The following SPAG16 variants were observed in gnomAD, a reference collection of about 807,000 sequenced individuals.
SPAG16 encodes sperm associated antigen 16.
SPAG16 carries 86 observed loss-of-function variants against 80.4 expected under a neutral mutation model. The observed-to-expected ratio is 1.07, with a 90% confidence interval of 0.90 to 1.28. The LOEUF (loss-of-function observed/expected upper bound fraction) is 1.28. SPAG16 is among the 50% of genes most tolerant of loss of function. The probability of loss-of-function intolerance (pLI) is 0.00; values close to 1 mark genes in which losing one functional copy is unlikely to be tolerated. For missense variants in SPAG16, 870 were observed against 765.3 expected (o/e 1.14, Z -1.61); for synonymous variants, 294 against 265.9 (o/e 1.11, Z -1.03).
At chr2:213,918,404 T>A (rs74618873) in intron 11 of SPAG16, among the ~76,000 whole-genome samples, 2 of 83,346 alleles carry the variant, frequency 2.4e-5, no homozygotes, top group South Asian at 5.4e-4. Flanking sequence ...TGGTCCTGGG[T>A]TTTTTTCTGG....
chr2:213,408,575 CA>C (rs1425577878), intron 9 of SPAG16, among the ~76,000 whole-genome samples: 1 of 152,090 alleles, frequency 6.6e-6, no homozygotes, highest in Non-Finnish European at 1.5e-5. Flanking sequence ...GGTTTCCTAA[CA>C]GGGGATTTAA....
chr2:214,266,933 A>C, intron 15 of SPAG16, among the ~76,000 whole-genome samples: 1 of 151,802 alleles, frequency 6.6e-6, no homozygotes, highest in Non-Finnish European at 1.5e-5. Context: ...ATGAAAATAA[A>C]AGGTGTCACA....
intron 9 of SPAG16, among the ~76,000 whole-genome samples, chr2:213,382,616 C>G (rs2067228800): frequency 6.6e-6 from 1 of 152,186 alleles, no homozygotes; most frequent in African/African-American, 2.4e-5. Flanking sequence ...ATACTATGTT[C>G]TTTATTCAGC....
intron 8 of SPAG16, among the ~76,000 whole-genome samples, chr2:213,374,428 GTGTA>G (rs138586251): frequency 0.014 from 2,162 of 152,152 alleles, 25 homozygotes; most frequent in South Asian, 0.038. Flanking sequence ...ACTTATATAT[GTGTA>G]TGTATTATAT....
chr2:214,400,582 A>G (rs1701650234), intron 15 of SPAG16, among the ~76,000 whole-genome samples: 1 of 151,960 alleles, frequency 6.6e-6, no homozygotes. Context: ...GTTGGGAAGG[A>G]CCTGGAACCA....
At chr2:213,883,288 G>C (rs1001132191) in intron 11 of SPAG16, among the ~76,000 whole-genome samples, 1 of 152,150 alleles carries the variant, frequency 6.6e-6, no homozygotes, top group African/African-American at 2.4e-5. Flanking sequence ...GGACCAAGTT[G>C]TTAAATTTCC....
At chr2:214,235,691 T>C (rs982487030) in intron 15 of SPAG16, among the ~76,000 whole-genome samples, 1 of 152,202 alleles carries the variant, frequency 6.6e-6, no homozygotes, top group African/African-American at 2.4e-5. Flanking sequence ...TAACAATTAC[T>C]AAAAATTTAC....
intron 15 of SPAG16, among the ~76,000 whole-genome samples, chr2:214,224,040 T>C (rs1213250399): frequency 6.6e-6 from 1 of 152,148 alleles, no homozygotes; most frequent in African/African-American, 2.4e-5. Flanking sequence ...GAAATGAGAA[T>C]GTAAGTGCAA....
At chr2:213,690,635 C>A (rs2064901926) in intron 10 of SPAG16, among the ~76,000 whole-genome samples, 1 of 152,132 alleles carries the variant, frequency 6.6e-6, no homozygotes, top group African/African-American at 2.4e-5. Context: ...TGGGTGGCAC[C>A]AACCATTTGT....
At chr2:213,979,559 G>A (rs1283272343) in intron 12 of SPAG16, among the ~76,000 whole-genome samples, 1 of 152,034 alleles carries the variant, frequency 6.6e-6, no homozygotes, top group Non-Finnish European at 1.5e-5. Context: ...TGCAAGCATG[G>A]GAAATGCCAG....
chr2:213,919,951 C>T (rs2078134617), intron 11 of SPAG16, among the ~76,000 whole-genome samples: 1 of 152,120 alleles, frequency 6.6e-6, no homozygotes, highest in African/African-American at 2.4e-5. Context: ...TAAGAACTTG[C>T]TTTATGACTC....
intron 13 of SPAG16, among the ~76,000 whole-genome samples, chr2:214,093,752 T>G (rs1222242507): frequency 2.0e-5 from 3 of 152,100 alleles, no homozygotes; most frequent in African/African-American, 7.2e-5. Context: ...AAGGCTAGTT[T>G]TGCAGGCCTA....
intron 14 of SPAG16, among the ~76,000 whole-genome samples, chr2:214,140,691 A>G (rs1463291283): frequency 1.3e-5 from 2 of 151,588 alleles, no homozygotes; most frequent in Non-Finnish European, 2.9e-5. Flanking sequence ...TTAGTAATAG[A>G]CTCTAGTAAT....
At chr2:213,937,088 T>C (rs1376171848) in intron 12 of SPAG16, among the ~76,000 whole-genome samples, 1 of 152,168 alleles carries the variant, frequency 6.6e-6, no homozygotes, top group Non-Finnish European at 1.5e-5. Context: ...AGAAATTTTC[T>C]TATTACAAAA....
intron 15 of SPAG16, among the ~76,000 whole-genome samples, chr2:214,150,968 G>A (rs1462976633): frequency 6.6e-6 from 1 of 151,896 alleles, no homozygotes; most frequent in Non-Finnish European, 1.5e-5. Flanking sequence ...ATTAAGAAAA[G>A]CATAAGAATC....
chr2:213,351,032 C>T (rs1403345965), intron 7 of SPAG16, among the ~76,000 whole-genome samples: 1 of 151,764 alleles, frequency 6.6e-6, no homozygotes, highest in African/African-American at 2.4e-5. Context: ...ATCCCTGCTA[C>T]GTGGGAGGCT....
chr2:213,667,426 T>A (rs2063648310), intron 10 of SPAG16, among the ~76,000 whole-genome samples: 1 of 152,142 alleles, frequency 6.6e-6, no homozygotes, highest in South Asian at 2.1e-4. Flanking sequence ...GTGCTTTGGG[T>A]TCCTCAATTG....
intron 13 of SPAG16, among the ~76,000 whole-genome samples, chr2:214,099,376 A>G (rs1223882069): frequency 6.6e-6 from 1 of 152,162 alleles, no homozygotes; most frequent in Non-Finnish European, 1.5e-5. Context: ...GAGATTTAAA[A>G]TATTACTAAT....
At chr2:213,320,847 C>A (rs2063581901) in intron 5 of SPAG16, among the ~76,000 whole-genome samples, 1 of 151,926 alleles carries the variant, frequency 6.6e-6, no homozygotes, top group African/African-American at 2.4e-5. Flanking sequence ...ATTCCACATT[C>A]TTGGCTATTG....
Sources: gnomAD v4.1 joint callset for allele counts (sites outside exome capture counted in the v4.1 genomes callset) on GRCh38, gnomAD v4.1.1 for gene constraint, MANE v1.5 for transcripts, NCBI Gene and HGNC (gene_info 2026-07-23, HGNC 2026-07-21) for gene names.